The following ATRNL1 variants were observed in gnomAD, a reference collection of about 807,000 sequenced individuals.
ATRNL1 encodes attractin-like protein 1.
Under a neutral mutation model 182.7 loss-of-function variants are expected in ATRNL1, and 95 were observed. The observed-to-expected ratio is 0.52, with a 90% confidence interval of 0.44 to 0.62. The LOEUF (loss-of-function observed/expected upper bound fraction) is 0.62, where lower values mean the gene tolerates loss of function less well. Among genes scored for constraint, ATRNL1 ranks in the 20% least tolerant of loss-of-function variants. The pLI, the probability that ATRNL1 is intolerant of heterozygous loss-of-function variation, is 0.00. For missense variants in ATRNL1, 1,471 were observed against 1,679.5 expected, an observed-to-expected ratio of 0.88 and a Z score of 2.17; for synonymous variants, 576 against 568.3, an observed-to-expected ratio of 1.01 and a Z score of -0.19.
chr10:115,600,991 C>G (rs1352984993), intron 26 of ATRNL1, among the ~76,000 whole-genome samples: 41 of 145,090 alleles, frequency 2.8e-4, no homozygotes, highest in African/African-American at 1.0e-3. Flanking sequence ...TTGTCGAAAA[C>G]ATTATCCTTT....
intron 8 of ATRNL1, among the ~76,000 whole-genome samples, chr10:115,172,539 T>A (rs1194877988): frequency 6.6e-6 from 1 of 152,008 alleles, no homozygotes; most frequent in Non-Finnish European, 1.5e-5. Context: ...CTTGAGCCAC[T>A]CTCTCCATTG....
At chr10:115,494,787 T>G (rs1849465266) in intron 24 of ATRNL1, among the ~76,000 whole-genome samples, 1 of 152,172 alleles carries the variant, frequency 6.6e-6, no homozygotes, top group African/African-American at 2.4e-5. Context: ...TCAAGGATAT[T>G]AGCCTGAAGT....
intron 20 of ATRNL1, among the ~76,000 whole-genome samples, chr10:115,414,043 G>C (rs772577652): frequency 2.0e-5 from 3 of 152,008 alleles, no homozygotes; most frequent in Admixed American, 2.0e-4. Flanking sequence ...CAAGGCTTTT[G>C]TACCTTCTCC....
chr10:115,550,417 A>T (rs1554995256), intron 26 of ATRNL1, among the ~76,000 whole-genome samples: 1 of 151,870 alleles, frequency 6.6e-6, no homozygotes, highest in African/African-American at 2.4e-5. Context: ...GACATGTAAA[A>T]ATAATCCAGA....
chr10:115,324,588 T>C (rs1174166208), intron 18 of ATRNL1, among the ~76,000 whole-genome samples: 2 of 152,252 alleles, frequency 1.3e-5, no homozygotes, highest in African/African-American at 4.8e-5. Flanking sequence ...AATTTAAGAT[T>C]GCCATATAAG....
At chr10:115,186,330 A>G (rs1379989378) in intron 8 of ATRNL1, among the ~76,000 whole-genome samples, 2 of 152,114 alleles carry the variant, frequency 1.3e-5, no homozygotes, top group Non-Finnish European at 2.9e-5. Context: ...AAATAGAGTT[A>G]CCAAATGACC....
At chr10:115,352,546 C>T (rs946589979) in intron 19 of ATRNL1, among the ~76,000 whole-genome samples, 10 of 152,048 alleles carry the variant, frequency 6.6e-5, no homozygotes, top group Admixed American at 3.3e-4. Context: ...GTTTTCATTC[C>T]TTCAGCAGCG....
chr10:115,094,055 C>T lies in ATRNL1; in HGVS notation c.293+12C>T, dbSNP rs2084946813. 6.9e-7 allele frequency: 1 copy of T among 1,449,400 alleles called. No individual in the cohort carries two copies. The highest frequency in any genetic ancestry group is 9.1e-7 in the Non-Finnish European group (1 of 1,094,550). The allele number at this position is 1,449,400 out of a possible 1,614,324, so 89.8% of individuals were successfully genotyped here. On this transcript the variant is annotated intron_variant, in intron 1 of 28. Transcript: ENST00000355044. ...CAGGGCAGGTTCAAGTAAGTGCCTTCGCCGGACCCCGAACCTCCAGCCCTG... is the reference window on the plus strand; with the variant it reads ...CAGGGCAGGTTCAAGTAAGTGCCTTTGCCGGACCCCGAACCTCCAGCCCTG...
intron 6 of ATRNL1, among the ~76,000 whole-genome samples, chr10:115,162,309 G>A (rs1554883476): frequency 9.9e-5 from 15 of 151,942 alleles, no homozygotes; most frequent in Non-Finnish European, 2.2e-4. Flanking sequence ...TAATAGTTAA[G>A]GTAGGCTTCA....
intron 14 of ATRNL1, among the ~76,000 whole-genome samples, chr10:115,284,169 T>G (rs1424968664): frequency 6.6e-6 from 1 of 152,202 alleles, no homozygotes; most frequent in Non-Finnish European, 1.5e-5. Flanking sequence ...ACCCCACTGC[T>G]AAGTTGTTGC....
chr10:115,401,390 G>GA (rs1428635509), intron 20 of ATRNL1, among the ~76,000 whole-genome samples: 1 of 152,046 alleles, frequency 6.6e-6, no homozygotes, highest in Non-Finnish European at 1.5e-5. Context: ...GTAAGGTAGA[G>GA]AAGGGCCAAG....
intron 8 of ATRNL1, among the ~76,000 whole-genome samples, chr10:115,193,124 G>C (rs1397781452): frequency 1.3e-5 from 2 of 151,870 alleles, no homozygotes; most frequent in Non-Finnish European, 2.9e-5. Context: ...AGTGGTGAAA[G>C]GATCCTGTCT....
intron 10 of ATRNL1, among the ~76,000 whole-genome samples, chr10:115,251,745 A>G (rs1554905424): frequency 6.6e-6 from 1 of 152,122 alleles, no homozygotes; most frequent in East Asian, 1.9e-4. Context: ...ACTGTTTGCT[A>G]TGGCAGTTCC....
rs372516732 is a variant in ATRNL1, at chr10:115,916,186, T to C, written c.4019-28472T>C. ...AGTCACCTTCCCTAAAATTGCAGCA[T>C]CATACTCATGCACCACATATTGGAT... On this transcript the variant is annotated intron_variant, in intron 28 of 28. Coordinates refer to ENST00000355044, the MANE Select transcript of ATRNL1 (RefSeq NM_207303.4). Among the ~76,000 whole-genome samples, 28 of 152,364 alleles carry C rather than the reference T, an allele frequency of 1.8e-4. No homozygotes were observed. In the South Asian group the frequency reaches 5.8e-3, roughly 32 times the overall value.
At chr10:115,612,470 A>C (rs1268643275) in intron 26 of ATRNL1, among the ~76,000 whole-genome samples, 1 of 152,180 alleles carries the variant, frequency 6.6e-6, no homozygotes, top group Non-Finnish European at 1.5e-5. Flanking sequence ...TATGTGGACT[A>C]TGGGGATCAT....
At chr10:115,791,858 T>A (rs894755552) in intron 27 of ATRNL1, among the ~76,000 whole-genome samples, 8 of 152,158 alleles carry the variant, frequency 5.3e-5, no homozygotes, top group Non-Finnish European at 1.0e-4. Context: ...GTAATCAAAT[T>A]TTAATGAAAA....
At chr10:115,810,869 T>C (rs1950031203) in intron 27 of ATRNL1, among the ~76,000 whole-genome samples, 1 of 151,912 alleles carries the variant, frequency 6.6e-6, no homozygotes, top group African/African-American at 2.4e-5. Context: ...ATTCTTGATA[T>C]ATGTTGTTTC....
chr10:115,485,897 C>T (rs1435173873), intron 24 of ATRNL1, among the ~76,000 whole-genome samples: 1 of 150,794 alleles, frequency 6.6e-6, no homozygotes, highest in Non-Finnish European at 1.5e-5. Context: ...TACCACAGCC[C>T]CCCACCCCCC....
rs147692322 is a variant in ATRNL1 at position 115,437,967 on chromosome 10, A to G, written c.3322+11665A>G. Among the ~76,000 whole-genome samples, 54 of 152,122 alleles carry G rather than the reference A, an allele frequency of 3.5e-4. No individual in the cohort carries two copies. In the South Asian group the frequency reaches 3.9e-3, roughly 11 times the overall value. On this transcript the variant is annotated intron_variant, in intron 21 of 28. Coordinates refer to ENST00000355044, the MANE Select transcript of ATRNL1 (RefSeq NM_207303.4). ...TTAGTTAACTTGTATAAAATAACCT[A>G]GTTGTTATATGGGAGATTACAACCA...
Sources: allele counts gnomAD v4.1 joint callset (sites outside exome capture counted in the v4.1 genomes callset), GRCh38; gene constraint gnomAD v4.1.1; transcripts MANE v1.5; gene names NCBI Gene and HGNC (gene_info 2026-07-23, HGNC 2026-07-21).